The following VWF variants were observed in gnomAD, a reference collection of about 807,000 sequenced individuals.
VWF encodes the protein von Willebrand factor.
VWF carries 176 observed loss-of-function variants against 308.6 expected under a neutral mutation model. The observed-to-expected ratio is 0.57, with a 90% CI of 0.50 to 0.65. VWF has a LOEUF of 0.65. Ranked by LOEUF, VWF falls within the 30% of genes least tolerant of loss-of-function variation. The pLI, the probability that VWF is intolerant of heterozygous loss-of-function variation, is 0.00. For missense variants in VWF, 3,146 were observed against 3,648.2 expected (o/e 0.86, Z 3.55); for synonymous variants, 1,385 against 1,443.4 (o/e 0.96, Z 0.92).
At chr12:6,042,508 C>T (rs552230283) in intron 18 of VWF, among the ~76,000 whole-genome samples, 3 of 152,328 alleles carry the variant, frequency 2.0e-5, no homozygotes, top group South Asian at 2.1e-4. Flanking sequence ...TCTGCTCTCT[C>T]GAATCTGGCC....
In VWF at chr12:6,063,844, G is replaced by A. The variant is rs1470297525; in HGVS notation, c.1432+402C>T. On this transcript the variant is annotated intron_variant, in intron 12 of 51. Transcript: ENST00000261405. This position sits in a 1 kb window ranked among gnomAD's most constrained non-coding sequence, Gnocchi z 4.9. ...GGCCTCGCCCCAAGTGGCATCCTCT[G>A]GTGTGACATCACCAGCCACCCCCGA... Among the ~76,000 whole-genome samples the A allele has an allele frequency of 1.3e-5, 2 of 152,084 alleles. No individual in the cohort carries two copies. Among genetic ancestry groups the A allele is most frequent in the Non-Finnish European group, 2.9e-5 (2 of 67,996 alleles).
intron 6 of VWF, among the ~76,000 whole-genome samples, chr12:6,080,004 C>T (rs990956044): frequency 6.6e-6 from 1 of 152,170 alleles, no homozygotes; most frequent in African/African-American, 2.4e-5. Flanking sequence ...CCCATCCCAT[C>T]TGCCCTCCTG....
intron 34 of VWF, among the ~76,000 whole-genome samples, chr12:6,006,119 G>A (rs1943923699): frequency 6.6e-6 from 1 of 152,164 alleles, no homozygotes; most frequent in Non-Finnish European, 1.5e-5. Flanking sequence ...TAAAGTGGGG[G>A]AGAGGCAGTA....
At chr12:6,100,509 T>C (rs1279260236) in intron 5 of VWF, among the ~76,000 whole-genome samples, 1 of 151,320 alleles carries the variant, frequency 6.6e-6, no homozygotes, top group Non-Finnish European at 1.5e-5. Flanking sequence ...CCAACAATGA[T>C]AGACTGGATT....
chr12:6,075,060 G>A lies in VWF; in HGVS notation c.874+275C>T, dbSNP rs1329731797. Among the ~76,000 whole-genome samples, 3 of 151,640 alleles carry A rather than the reference G, an allele frequency of 2.0e-5. No homozygotes were observed. The highest frequency in any genetic ancestry group is 6.6e-5 in the Admixed American group (1 of 15,218). The stretch of plus-strand genomic sequence containing the variant: ...AGCAGAGAACACTGTGTGAGTGCAG[G>A]GGTCGGATTTCCTGAGGGAAGTCAG... On this transcript the variant is annotated intron_variant, in intron 7 of 51. Coordinates refer to ENST00000261405, the MANE Select transcript of VWF (RefSeq NM_000552.5). This position sits in a 1 kb window ranked among gnomAD's most constrained non-coding sequence, Gnocchi z 4.7.
Position 5,996,228 on chromosome 12 carries a change from C to G in VWF, c.5843-6G>C, listed in dbSNP as rs756958446. The G allele has an allele frequency of 1.9e-6, 3 of 1,606,416 alleles. No individual in the cohort carries two copies. Among genetic ancestry groups the G allele is most frequent in the Non-Finnish European group, 1.7e-6 (2 of 1,176,414 alleles). On this transcript the variant is annotated splice_polypyrimidine_tract_variant and splice_region_variant and intron_variant, in intron 34 of 51. Transcript: ENST00000261405. The stretch of plus-strand genomic sequence containing the variant: ...GGAGCTGCCTGTGCACACGCCTGGA[C>G]AGAGAGAAGCAGAGGATGGATGCGA...
intron 21 of VWF, among the ~76,000 whole-genome samples, chr12:6,031,049 T>C (rs966946838): frequency 1.3e-5 from 2 of 152,084 alleles, no homozygotes; most frequent in African/African-American, 4.8e-5. Flanking sequence ...AAAGTATTTA[T>C]CTGAAAAGAA....
chr12:6,052,399 T>G, intron 16 of VWF, 144 bp downstream of exon 16: 1 of 1,289,342 alleles, frequency 7.8e-7, no homozygotes, highest in Non-Finnish European at 1.1e-6. Context: ...CAGCTCCGCT[T>G]CTGACTTGCT....
At chr12:6,031,648 T>A (rs1024014023) in intron 20 of VWF, 70 bp from the exon 21 acceptor site, 2 of 1,611,170 alleles carry the variant, frequency 1.2e-6, no homozygotes, top group African/African-American at 2.7e-5. Flanking sequence ...AAGATTGGCA[T>A]CTCTTCATCA....
Position 6,079,567 on chromosome 12 carries a change from A to G in VWF, c.658-4016T>C, listed in dbSNP as rs186167002. Among the ~76,000 whole-genome samples, 422 of 151,450 alleles carry G rather than the reference A, an allele frequency of 2.8e-3. 3 individuals are homozygous for G. The highest frequency in any genetic ancestry group is 4.7e-3 in the Non-Finnish European group (318 of 67,850). The stretch of plus-strand genomic sequence containing the variant: ...AACGCTTGCAGTGAGCTGAGATCGC[A>G]CCACTGCACTCTAGCCTGGGCGACA... On this transcript the variant is annotated intron_variant, in intron 6 of 51. Transcript: ENST00000261405.
intron 18 of VWF, among the ~76,000 whole-genome samples, chr12:6,041,397 T>C (rs1944394339): frequency 6.6e-6 from 1 of 151,204 alleles, no homozygotes; most frequent in African/African-American, 2.4e-5. Flanking sequence ...GCCACTGCAC[T>C]GCAGCCTGGG....
At position 6,019,015 on chromosome 12, in the gene VWF, G is replaced by A. The variant is rs1944096990; in HGVS notation, c.4403C>T (p.Thr1468Ile). ...GACTTGTGCCATGTCGGGGGGCAGA[G>A]TAGGAGGAGGGGCTTCAGGGGCAAG... ...CDLAPEAPPP[T>I]LPPDMAQVTV... Residue 1468 changes from threonine (T) to isoleucine (I), a missense_variant, in exon 28 of 52, where the codon ACT (threonine) becomes ATT (isoleucine). Physicochemically the swap from Thr to Ile is moderately conservative, Grantham distance 89 (BLOSUM62 -1). Around this residue, in one of 3 missense-constraint regions of VWF, gnomAD observed 853 missense variants for 1,177.8 expected, o/e 0.72. Transcript: ENST00000261405. This position sits in a 1 kb window ranked among gnomAD's most constrained non-coding sequence, Gnocchi z 5.8. 5 of 1,613,818 alleles carry A rather than the reference G, an allele frequency of 3.1e-6. No individual in the cohort carries two copies. Among genetic ancestry groups the A allele is most frequent in the African/African-American group, 1.3e-5 (1 of 74,896 alleles).
chr12:6,047,226 C>T (rs890536935), intron 16 of VWF, among the ~76,000 whole-genome samples: 1 of 152,144 alleles, frequency 6.6e-6, no homozygotes, highest in Non-Finnish European at 1.5e-5. Flanking sequence ...CTGCTGCCAT[C>T]CCCAGTTCCA....
At chr12:6,049,799 G>A (rs1277443791) in intron 16 of VWF, among the ~76,000 whole-genome samples, 2 of 152,272 alleles carry the variant, frequency 1.3e-5, no homozygotes, top group Non-Finnish European at 2.9e-5. Context: ...CAGTCCTGCA[G>A]AGGAGGTCCT....
chr12:6,047,262 C>T (rs964821531), intron 16 of VWF, among the ~76,000 whole-genome samples: 2 of 152,168 alleles, frequency 1.3e-5, no homozygotes, highest in African/African-American at 4.8e-5. Context: ...CATAAATCTA[C>T]ATCAGCAGCT....
intron 38 of VWF, among the ~76,000 whole-genome samples, chr12:5,989,449 T>C (rs1202844640): frequency 6.6e-6 from 1 of 152,244 alleles, no homozygotes; most frequent in Admixed American, 6.5e-5. Context: ...AAAATGCACG[T>C]GGCTGGATAT....
At chr12:5,979,956 G>T (rs1363380836) in intron 42 of VWF, among the ~76,000 whole-genome samples, 1 of 149,498 alleles carries the variant, frequency 6.7e-6, no homozygotes, top group East Asian at 2.0e-4. Flanking sequence ...TAGGAGAATG[G>T]TGTGAACCCG....
intron 40 of VWF, 125 bp downstream of exon 40, chr12:5,984,920 G>T: frequency 1.9e-6 from 2 of 1,044,992 alleles, no homozygotes; most frequent in Non-Finnish European, 1.5e-6. Flanking sequence ...TATCCAGTCG[G>T]TCCTTACCCA....
Position 6,019,787 on chromosome 12 carries a change from T to A in VWF, c.3675-44A>T, listed in dbSNP as rs1360974132. The A allele has an allele frequency of 6.4e-7, 1 of 1,562,102 alleles. No individual in the cohort carries two copies. Among genetic ancestry groups the A allele is most frequent in the Non-Finnish European group, 8.7e-7 (1 of 1,152,732 alleles). On this transcript the variant is annotated intron_variant, in intron 27 of 51. Transcript: ENST00000261405. This position sits in a 1 kb window ranked among gnomAD's most constrained non-coding sequence, Gnocchi z 5.8. ...AAATTAAAATGGTTCAGGAAGAACC[T>A]GTGGACACTTCTGAGCCCTACAGTG...
Sources: allele counts gnomAD v4.1 joint callset (sites outside exome capture counted in the v4.1 genomes callset), GRCh38; gene constraint gnomAD v4.1.1; regional missense constraint gnomAD v4.1.1; non-coding constraint Gnocchi (gnomAD v3.1); transcripts MANE v1.5; gene names NCBI Gene and HGNC (gene_info 2026-07-23, HGNC 2026-07-21).